The following INPP4B variants were observed in gnomAD, a reference collection of about 807,000 sequenced individuals.
INPP4B encodes inositol polyphosphate-4-phosphatase type II B.
INPP4B carries 55 observed loss-of-function variants against 122.5 expected under a neutral mutation model. The ratio of observed to expected loss-of-function variants is 0.45; its 90% CI spans 0.36 to 0.56. The LOEUF (loss-of-function observed/expected upper bound fraction) is 0.56, where lower values mean the gene tolerates loss of function less well. Ranked by LOEUF, INPP4B falls within the 20% of genes least tolerant of loss-of-function variation. INPP4B has a pLI of 0.00. For synonymous variants in INPP4B, 403 were observed against 388.7 expected (o/e 1.04, Z -0.43); for missense variants, 1,000 against 1,097.7 (o/e 0.91, Z 1.26).
rs531715462 is a variant in INPP4B, at chr4:142,728,170, C to T, written c.-253-2269G>A. 2.0e-5 allele frequency among the ~76,000 whole-genome samples: 3 copies of T among 152,290 alleles called. No individual in the cohort carries two copies. In the East Asian group the frequency reaches 5.8e-4, roughly 29 times the overall value. Reference sequence around the variant, plus strand: ...AAGAGGAGAAACATTAGTAACAGCACTGGGAGTAAAATGGACAAAATATAA... The same window carrying T: ...AAGAGGAGAAACATTAGTAACAGCATTGGGAGTAAAATGGACAAAATATAA... On this transcript the variant is annotated intron_variant, in intron 1 of 25. Coordinates refer to ENST00000262992, the MANE Select transcript of INPP4B (RefSeq NM_001101669.3).
At chr4:142,217,713 A>G (rs115921394) in intron 12 of INPP4B, among the ~76,000 whole-genome samples, 1 of 152,306 alleles carries the variant, frequency 6.6e-6, no homozygotes, top group African/African-American at 2.4e-5. Flanking sequence ...TGTTTCCATG[A>G]GGAGATTTTT....
chr4:142,163,280 G>A (rs2152917551), intron 16 of INPP4B, among the ~76,000 whole-genome samples: 1 of 152,050 alleles, frequency 6.6e-6, no homozygotes, highest in African/African-American at 2.4e-5. Context: ...GTCAAGTGAT[G>A]AAATTTTGTG....
chr4:142,610,328 C>G (rs569367230), intron 2 of INPP4B, among the ~76,000 whole-genome samples: 1 of 152,210 alleles, frequency 6.6e-6, no homozygotes, highest in South Asian at 2.1e-4. Flanking sequence ...TCCATTAAAC[C>G]TCTTTCCTTT....
intron 1 of INPP4B, among the ~76,000 whole-genome samples, chr4:142,736,568 T>G (rs1015028556): frequency 6.6e-6 from 1 of 152,186 alleles, no homozygotes; most frequent in South Asian, 2.1e-4. Context: ...CAATTGTGAA[T>G]GGGAGTTCAC....
At chr4:142,687,813 C>T (rs1328477135) in intron 2 of INPP4B, among the ~76,000 whole-genome samples, 1 of 152,058 alleles carries the variant, frequency 6.6e-6, no homozygotes, top group East Asian at 1.9e-4. Flanking sequence ...CACCATACGC[C>T]TACCCGGGAT....
rs1307804686 is a variant in INPP4B, at chr4:142,740,757, CA to C, written c.-253-14857del. Among the ~76,000 whole-genome samples, 3 of 151,862 alleles carry C rather than the reference CA, an allele frequency of 2.0e-5. No homozygotes were observed. In the South Asian group the frequency reaches 6.2e-4, roughly 32 times the overall value. ...TTGTGACATTTCTGGCTTGGAGTAG[CA>C]AAAAAAGGAATTCTTCTAAAAATGC... On this transcript the variant is annotated intron_variant, in intron 1 of 25. Coordinates refer to ENST00000262992, the MANE Select transcript of INPP4B (RefSeq NM_001101669.3).
intron 2 of INPP4B, among the ~76,000 whole-genome samples, chr4:142,482,963 A>G (rs1390103500): frequency 6.6e-6 from 1 of 152,126 alleles, no homozygotes; most frequent in Non-Finnish European, 1.5e-5. Context: ...ATCTATGAAT[A>G]CATAATGCAA....
chr4:142,696,586 AC>A (rs2150742770), intron 2 of INPP4B, among the ~76,000 whole-genome samples: 1 of 152,144 alleles, frequency 6.6e-6, no homozygotes, highest in African/African-American at 2.4e-5. Flanking sequence ...CACTGCTTAC[AC>A]CCACTTAAAC....
chr4:142,837,381 C>T (rs928099574), intron 1 of INPP4B, among the ~76,000 whole-genome samples: 1 of 152,032 alleles, frequency 6.6e-6, no homozygotes, highest in African/African-American at 2.4e-5. Flanking sequence ...TTGCATAGTA[C>T]TTTAAAGCCT....
intron 15 of INPP4B, among the ~76,000 whole-genome samples, chr4:142,178,913 AAT>A (rs2152968899): frequency 6.6e-6 from 1 of 152,090 alleles, no homozygotes; most frequent in South Asian, 2.1e-4. Flanking sequence ...AGAAGAAAAT[AAT>A]ATGGATCACA....
At chr4:142,383,993 G>A (rs888590367) in intron 7 of INPP4B, 1 of 682,914 alleles carries the variant, frequency 1.5e-6, no homozygotes, top group African/African-American at 1.8e-5. Flanking sequence ...CTCATGTGAT[G>A]TCTTGCACTT....
At chr4:142,240,025 T>G (rs1392901830) in intron 11 of INPP4B, among the ~76,000 whole-genome samples, 1 of 151,762 alleles carries the variant, frequency 6.6e-6, no homozygotes, top group Non-Finnish European at 1.5e-5. Flanking sequence ...AAGTCTTCCT[T>G]TGTTGATCTC....
chr4:142,620,358 A>C (rs1684642547), intron 2 of INPP4B, among the ~76,000 whole-genome samples: 1 of 152,042 alleles, frequency 6.6e-6, no homozygotes, highest in African/African-American at 2.4e-5. Flanking sequence ...TTGCAGCAAC[A>C]TAGATGGAGC....
chr4:142,332,482 G>T (rs555196113), intron 7 of INPP4B, among the ~76,000 whole-genome samples: 1 of 151,636 alleles, frequency 6.6e-6, no homozygotes, highest in East Asian at 1.9e-4. Context: ...CTTGAGAAAT[G>T]AGTACACTTA....
intron 2 of INPP4B, among the ~76,000 whole-genome samples, chr4:142,656,980 G>C (rs1453823761): frequency 6.6e-6 from 1 of 152,144 alleles, no homozygotes; most frequent in Admixed American, 6.5e-5. Flanking sequence ...TTTACATCCT[G>C]GGGGCATGGC....
chr4:142,430,176 T>A, intron 4 of INPP4B, among the ~76,000 whole-genome samples: 1 of 152,248 alleles, frequency 6.6e-6, no homozygotes, highest in East Asian at 1.9e-4. Flanking sequence ...AACTGCTTTT[T>A]ATTCACAGTT....
At chr4:142,555,226 G>C (rs1173189299) in intron 2 of INPP4B, among the ~76,000 whole-genome samples, 1 of 152,228 alleles carries the variant, frequency 6.6e-6, no homozygotes, top group Non-Finnish European at 1.5e-5. Flanking sequence ...CAAGCCATCA[G>C]AGTGTAGCCA....
intron 2 of INPP4B, among the ~76,000 whole-genome samples, chr4:142,707,397 G>A (rs932080280): frequency 6.6e-6 from 1 of 152,148 alleles, no homozygotes; most frequent in Admixed American, 6.5e-5. Context: ...ATGTCTTTCT[G>A]ATATGGTTTG....
At chr4:142,642,174 G>C (rs1750658215) in intron 2 of INPP4B, among the ~76,000 whole-genome samples, 1 of 152,088 alleles carries the variant, frequency 6.6e-6, no homozygotes, top group South Asian at 2.1e-4. Flanking sequence ...TTACCCCTTT[G>C]TCAGATGAGT....
Sources: allele counts gnomAD v4.1 joint callset (sites outside exome capture counted in the v4.1 genomes callset), GRCh38; gene constraint gnomAD v4.1.1; transcripts MANE v1.5; gene names NCBI Gene and HGNC (gene_info 2026-07-23, HGNC 2026-07-21).